The following SYN2 variants were observed in gnomAD, a reference collection of about 807,000 sequenced individuals.
SYN2 encodes the protein synapsin II.
In SYN2, 19 loss-of-function variants were observed where a neutral mutation model predicts 50.9. That is an observed-to-expected ratio of 0.37 (90% CI 0.26 to 0.55). The LOEUF (loss-of-function observed/expected upper bound fraction) is 0.55, where lower values mean the gene tolerates loss of function less well. Among genes scored for constraint, SYN2 ranks in the 20% least tolerant of loss-of-function variants. The pLI is 0.81. For synonymous variants in SYN2, 255 were observed against 224.9 expected (o/e 1.13, Z -1.20); for missense variants, 587 against 576.4 (o/e 1.02, Z -0.19).
chr3:12,026,433 T>C (rs1167404641), intron 1 of SYN2, among the ~76,000 whole-genome samples: 1 of 152,068 alleles, frequency 6.6e-6, no homozygotes, highest in African/African-American at 2.4e-5. Flanking sequence ...AAGGCCTTCA[T>C]GCTACCCTCT....
chr3:12,154,564 G>T, intron 5 of SYN2: 2 of 1,202,572 alleles, frequency 1.7e-6, no homozygotes, highest in Non-Finnish European at 2.3e-6. Context: ...TTTGGTGGCA[G>T]TGGTGGCATG....
At chr3:12,005,639 G>T (rs1342231167) in intron 1 of SYN2, among the ~76,000 whole-genome samples, 2 of 151,178 alleles carry the variant, frequency 1.3e-5, no homozygotes, top group Admixed American at 1.3e-4. Context: ...GCGGGGCGTG[G>T]AAGTGAATGG....
chr3:12,024,589 G>A (rs1036206909), intron 1 of SYN2, among the ~76,000 whole-genome samples: 1 of 152,106 alleles, frequency 6.6e-6, no homozygotes, highest in Admixed American at 6.5e-5. Flanking sequence ...ATATTCATGA[G>A]ATGCATTTGT....
chr3:12,123,506 C>T (rs1214200580), intron 1 of SYN2, among the ~76,000 whole-genome samples: 1 of 152,142 alleles, frequency 6.6e-6, no homozygotes, highest in Admixed American at 6.5e-5. Flanking sequence ...TGGTGGCATG[C>T]CACTGTAGTC....
intron 4 of SYN2, 29 bp from the exon 5 acceptor site, chr3:12,151,208 A>G (rs777477017): frequency 1.7e-5 from 26 of 1,510,308 alleles, no homozygotes; most frequent in Non-Finnish European, 2.4e-5. Flanking sequence ...TATCTAAGAT[A>G]AGCTGTAACA....
intron 1 of SYN2, among the ~76,000 whole-genome samples, chr3:12,020,074 A>G (rs868119309): frequency 6.6e-6 from 1 of 152,036 alleles, no homozygotes; most frequent in African/African-American, 2.4e-5. Context: ...TCCTTTCCCT[A>G]TATGTTTTTG....
intron 10 of SYN2, among the ~76,000 whole-genome samples, chr3:12,178,004 C>T (rs1233031397): frequency 2.6e-5 from 4 of 152,190 alleles, no homozygotes; most frequent in African/African-American, 4.8e-5. Flanking sequence ...GGAAGGTGGG[C>T]GCTGGTGACT....
intron 1 of SYN2, chr3:12,070,436 C>G (rs1220267327): frequency 1.8e-6 from 1 of 553,698 alleles, no homozygotes; most frequent in African/African-American, 1.9e-5. Flanking sequence ...AAGATTGGGA[C>G]TCTGACCCCA....
chr3:12,124,274 G>T (rs752612134), intron 1 of SYN2, among the ~76,000 whole-genome samples: 2 of 152,084 alleles, frequency 1.3e-5, no homozygotes, highest in African/African-American at 2.4e-5. Context: ...TTAAAACATT[G>T]CCTAATAATA....
intron 1 of SYN2, among the ~76,000 whole-genome samples, chr3:12,082,984 C>G (rs1247223470): frequency 1.3e-5 from 2 of 152,024 alleles, no homozygotes; most frequent in Admixed American, 6.6e-5. Context: ...GTAGAAAAAC[C>G]TACTTTCCCG....
chr3:12,135,287 T>C (rs1385066014), intron 1 of SYN2, among the ~76,000 whole-genome samples: 1 of 152,158 alleles, frequency 6.6e-6, no homozygotes, highest in Non-Finnish European at 1.5e-5. Flanking sequence ...ACCCTAACAG[T>C]GTAGGTGGGG....
intron 1 of SYN2, among the ~76,000 whole-genome samples, chr3:12,134,470 G>C (rs991241554): frequency 2.0e-5 from 3 of 152,176 alleles, no homozygotes; most frequent in Non-Finnish European, 4.4e-5. Context: ...GCTTCTGTGC[G>C]TTTGCCCTTA....
intron 1 of SYN2, among the ~76,000 whole-genome samples, chr3:12,117,016 A>G (rs1014003830): frequency 2.0e-5 from 3 of 152,078 alleles, no homozygotes; most frequent in Admixed American, 1.3e-4. Flanking sequence ...CTTTCAAAAT[A>G]TGGAGATTAT....
chr3:12,122,775 A>G (rs1394928537), intron 1 of SYN2, among the ~76,000 whole-genome samples: 1 of 152,202 alleles, frequency 6.6e-6, no homozygotes, highest in Non-Finnish European at 1.5e-5. Flanking sequence ...ATCAGAAGAA[A>G]ACATAAACCC....
intron 1 of SYN2, among the ~76,000 whole-genome samples, chr3:12,058,977 C>T (rs1450670864): frequency 2.0e-5 from 3 of 152,138 alleles, no homozygotes; most frequent in African/African-American, 7.2e-5. Flanking sequence ...TGGATTCCAC[C>T]ACTGAAGTGT....
chr3:12,170,321 A>G (rs1697910988), intron 10 of SYN2, among the ~76,000 whole-genome samples: 1 of 152,200 alleles, frequency 6.6e-6, no homozygotes, highest in South Asian at 2.1e-4. Context: ...GTAAATAAGG[A>G]AGTCTCTTTC....
At chr3:12,104,925 G>A (rs1024064553) in intron 1 of SYN2, among the ~76,000 whole-genome samples, 3 of 152,174 alleles carry the variant, frequency 2.0e-5, no homozygotes, top group African/African-American at 7.2e-5. Context: ...GGAAGAGATG[G>A]TGGTGATTAG....
intron 1 of SYN2, among the ~76,000 whole-genome samples, chr3:12,045,444 G>T (rs534073066): frequency 6.6e-6 from 1 of 152,248 alleles, no homozygotes; most frequent in African/African-American, 2.4e-5. Flanking sequence ...TTTTTTCTGG[G>T]TTAAATAAGT....
chr3:12,184,979 T>G (rs949348188), intron 11 of SYN2: 3 of 985,780 alleles, frequency 3.0e-6, no homozygotes, highest in Middle Eastern at 5.2e-4. Context: ...GGAACTAGTG[T>G]TGGTGGTATG....
Sources: allele counts gnomAD v4.1 joint callset (sites outside exome capture counted in the v4.1 genomes callset), GRCh38; gene constraint gnomAD v4.1.1; transcripts MANE v1.5; gene names NCBI Gene and HGNC (gene_info 2026-07-23, HGNC 2026-07-21).